Variants in RNF152 observed in about 807,000 individuals in gnomAD.
The protein encoded by RNF152 is ring finger protein 152.
A neutral mutation model predicts 12.7 loss-of-function variants in RNF152; 11 were observed. That is an observed-to-expected ratio of 0.86 (90% CI 0.54 to 1.43). The LOEUF (loss-of-function observed/expected upper bound fraction) is 1.43, where lower values mean the gene tolerates loss of function less well. Ranked by LOEUF, RNF152 falls within the 40% of genes most tolerant of loss-of-function variation. RNF152 has a pLI of 0.00. For missense variants in RNF152, 255 were observed against 274.8 expected (o/e 0.93, Z 0.51); for synonymous variants, 113 against 120.3 (o/e 0.94, Z 0.40).
intron 1 of RNF152, among the ~76,000 whole-genome samples, chr18:61,844,834 T>C (rs1445467907): frequency 6.6e-6 from 1 of 152,098 alleles, no homozygotes; most frequent in Non-Finnish European, 1.5e-5. Flanking sequence ...TAAAAGGCTC[T>C]GATGACCTTT....
chr18:61,823,648 G>A (rs918621774), intron 1 of RNF152, among the ~76,000 whole-genome samples: 5 of 152,232 alleles, frequency 3.3e-5, no homozygotes, highest in Non-Finnish European at 7.3e-5. Context: ...TAGGGCAGGC[G>A]ATGCTGACAG....
At chr18:61,869,959 T>C (rs1229576610) in intron 1 of RNF152, among the ~76,000 whole-genome samples, 1 of 152,228 alleles carries the variant, frequency 6.6e-6, no homozygotes, top group Non-Finnish European at 1.5e-5. Context: ...CTAGAAGCAT[T>C]TGTATTCCTT....
At chr18:61,833,229 G>A (rs1167177451) in intron 1 of RNF152, among the ~76,000 whole-genome samples, 1 of 152,180 alleles carries the variant, frequency 6.6e-6, no homozygotes, top group African/African-American at 2.4e-5. Context: ...CAAACCATTA[G>A]CTGATGTAGG....
intron 1 of RNF152, among the ~76,000 whole-genome samples, chr18:61,830,148 G>A (rs564318793): frequency 1.1e-4 from 16 of 151,670 alleles, no homozygotes; most frequent in African/African-American, 3.9e-4. Flanking sequence ...CAGACTCCCG[G>A]GTAGCTGGGA....
At chr18:61,839,057 A>C (rs1910322023) in intron 1 of RNF152, among the ~76,000 whole-genome samples, 1 of 117,502 alleles carries the variant, frequency 8.5e-6, no homozygotes, top group East Asian at 2.3e-4. Flanking sequence ...CTGTGGCCAA[A>C]AAAAAAAAAA....
At chr18:61,893,739 CGGGCGCGCGCGCACGTGCACACCCAG>C (rs1160377025), upstream of RNF152, 60 of 152,188 alleles carry the variant, frequency 3.9e-4, no homozygotes, top group Admixed American at 1.9e-3. Context: ...GCAACTGGGG[CGGGCGCGCGCGCACGTGCACACCCAG>C]GGGCGCGCGC....
At chr18:61,861,412 G>A (rs936331612) in intron 1 of RNF152, among the ~76,000 whole-genome samples, 4 of 152,174 alleles carry the variant, frequency 2.6e-5, no homozygotes, top group Non-Finnish European at 4.4e-5. Flanking sequence ...CAGCCTTGGA[G>A]CAATGGCTGT....
At chr18:61,866,701 C>G (rs893191428) in intron 1 of RNF152, among the ~76,000 whole-genome samples, 9 of 152,220 alleles carry the variant, frequency 5.9e-5, no homozygotes, top group African/African-American at 2.2e-4. Context: ...ACATGTTCAT[C>G]CCTTCATCAA....
chr18:61,825,431 A>G (rs1208400020), intron 1 of RNF152, among the ~76,000 whole-genome samples: 1 of 152,240 alleles, frequency 6.6e-6, no homozygotes, highest in Non-Finnish European at 1.5e-5. Context: ...AAGCTGGCCC[A>G]CTGTTCTTTC....
In RNF152 at chr18:61,829,787, G is replaced by A. The variant is rs911048267; in HGVS notation, c.-135-13189C>T. Among the ~76,000 whole-genome samples the A allele has an allele frequency of 3.3e-5, 5 of 152,242 alleles. 2 individuals are homozygous for A. The South Asian group carries it at 1.0e-3, about 32-fold the overall frequency. ...AGCGGAAGTTCTTATGTTGTGAGAA[G>A]AAGTGAGAATATGAAGAATGGAAGA... On this transcript the variant is annotated intron_variant, in intron 1 of 1. Coordinates refer to ENST00000312828, the MANE Select transcript of RNF152 (RefSeq NM_173557.3).
chr18:61,853,062 T>C (rs1410923754), intron 1 of RNF152, among the ~76,000 whole-genome samples: 2 of 152,232 alleles, frequency 1.3e-5, no homozygotes, highest in South Asian at 4.1e-4. Flanking sequence ...TGTATAAATA[T>C]GTAAGATACA....
At chr18:61,852,689 T>C (rs1568279945) in intron 1 of RNF152, among the ~76,000 whole-genome samples, 4 of 152,192 alleles carry the variant, frequency 2.6e-5, no homozygotes. Flanking sequence ...TTTGGCTTCC[T>C]GAGGTTCTGA....
chr18:61,836,182 G>A (rs906485624), intron 1 of RNF152, among the ~76,000 whole-genome samples: 7 of 152,302 alleles, frequency 4.6e-5, no homozygotes, highest in Middle Eastern at 6.8e-3. Context: ...TTCCAGGTCT[G>A]GGGCAGGGAA....
At chr18:61,840,617 G>T (rs1359576220) in intron 1 of RNF152, among the ~76,000 whole-genome samples, 1 of 152,110 alleles carries the variant, frequency 6.6e-6, no homozygotes, top group East Asian at 1.9e-4. Context: ...GGGAGCCTGA[G>T]AACTAGTCCT....
At chr18:61,852,005 C>T (rs1019699404) in intron 1 of RNF152, among the ~76,000 whole-genome samples, 7 of 152,078 alleles carry the variant, frequency 4.6e-5, no homozygotes, top group Non-Finnish European at 7.3e-5. Flanking sequence ...AGGCAAATGA[C>T]GTCACCTACT....
chr18:61,891,963 G>A (rs1372956398), intron 1 of RNF152, among the ~76,000 whole-genome samples: 4 of 152,200 alleles, frequency 2.6e-5, no homozygotes, highest in Non-Finnish European at 4.4e-5. Context: ...TGTAGGATGC[G>A]CAGGACTCTG....
intron 1 of RNF152, among the ~76,000 whole-genome samples, chr18:61,863,489 C>A (rs1911584625): frequency 1.4e-5 from 2 of 147,754 alleles, no homozygotes; most frequent in African/African-American, 2.5e-5. Flanking sequence ...GTTCAGGTAA[C>A]ATCACTGTAG....
chr18:61,849,797 C>G (rs1910891850), intron 1 of RNF152, among the ~76,000 whole-genome samples: 1 of 152,056 alleles, frequency 6.6e-6, no homozygotes, highest in African/African-American at 2.4e-5. Flanking sequence ...GAACTCCTGG[C>G]CTCAAACCAT....
intron 1 of RNF152, among the ~76,000 whole-genome samples, chr18:61,842,517 G>A (rs534598681): frequency 9.8e-5 from 15 of 152,322 alleles, no homozygotes; most frequent in Non-Finnish European, 1.3e-4. Flanking sequence ...GTTAGGACCT[G>A]CAAGAGACTC....
Sources: gnomAD v4.1 joint callset for allele counts (sites outside exome capture counted in the v4.1 genomes callset) on GRCh38, gnomAD v4.1.1 for gene constraint, MANE v1.5 for transcripts, NCBI Gene and HGNC (gene_info 2026-07-23, HGNC 2026-07-21) for gene names.